The following UGT1A10 variants were observed in gnomAD, a reference collection of about 807,000 sequenced individuals.
The protein encoded by UGT1A10 is UDP-glucuronosyltransferase 1A10.
UGT1A10 carries 49 observed loss-of-function variants against 45.8 expected under a neutral mutation model. The ratio of observed to expected loss-of-function variants is 1.07; its 90% confidence interval spans 0.85 to 1.36. The LOEUF (loss-of-function observed/expected upper bound fraction) is 1.36, where lower values mean the gene tolerates loss of function less well. Among genes scored for constraint, UGT1A10 ranks in the 40% most tolerant of loss-of-function variants. The pLI is 0.00. For synonymous variants in UGT1A10, 284 were observed against 249.7 expected (o/e 1.14, Z -1.29); for missense variants, 745 against 668.6 (o/e 1.11, Z -1.26).
At chr2:233,755,448 G>A in intron 1 of UGT1A10, 1 of 310,232 alleles carries the variant, frequency 3.2e-6, no homozygotes, top group Non-Finnish European at 6.3e-6. Context: ...CAGTGCTCCT[G>A]GGACTGGCCC....
At chr2:233,712,842 C>A in intron 1 of UGT1A10, 1 of 1,510,466 alleles carries the variant, frequency 6.6e-7, no homozygotes, top group Non-Finnish European at 8.9e-7. Flanking sequence ...TATAGATTAA[C>A]GGGTAATAAG....
At chr2:233,713,122 T>A (rs2076280431) in intron 1 of UGT1A10, 1 of 1,614,100 alleles carries the variant, frequency 6.2e-7, no homozygotes, top group South Asian at 1.1e-5. Context: ...TGGCTCAGCA[T>A]GCGGGAGGCC....
intron 1 of UGT1A10, among the ~76,000 whole-genome samples, chr2:233,677,781 G>A (rs1055229293): frequency 6.6e-6 from 1 of 151,916 alleles, no homozygotes; most frequent in East Asian, 1.9e-4. Context: ...ATTTTGCAAA[G>A]AACTTAAAAC....
rs1361976171 is a variant in UGT1A10, at chr2:233,732,838, C to T, written c.856-34196C>T. ...ATATGAACTTTAAAGTAGTTTTTTC[C>T]AATTTTGTGAAGTCATTGGTAGCTT... On this transcript the variant is annotated intron_variant, in intron 1 of 4. Transcript: ENST00000344644. Among the ~76,000 whole-genome samples, 5 of 149,882 alleles carry T rather than the reference C, an allele frequency of 3.3e-5. No homozygotes were observed. The East Asian group carries it at 7.8e-4, about 23-fold the overall frequency.
chr2:233,678,330 G>A (rs1183988042), intron 1 of UGT1A10, among the ~76,000 whole-genome samples: 3 of 152,128 alleles, frequency 2.0e-5, no homozygotes, highest in African/African-American at 7.2e-5. Flanking sequence ...TGTATAAGAG[G>A]AAGTCATTCA....
chr2:233,754,897 C>T (rs779851030), intron 1 of UGT1A10: 5 of 1,351,174 alleles, frequency 3.7e-6, no homozygotes, highest in Non-Finnish European at 5.0e-6. Context: ...TTCCTCTGAC[C>T]CCCCAAAATA....
At chr2:233,666,608 A>T (rs1012242182) in intron 1 of UGT1A10, among the ~76,000 whole-genome samples, 24 of 152,000 alleles carry the variant, frequency 1.6e-4, no homozygotes, top group Non-Finnish European at 3.1e-4. Context: ...TGTTTTTTTT[A>T]AAGTAAACTC....
rs1272833298 is a variant in UGT1A10, at chr2:233,768,361, C to T, written c.1217C>T (p.Ala406Val). ...DNAKRMETKG[A>V]GVTLNVLEMT... is the part of the protein sequence containing the mutation. ...GCAAAGCGCATGGAGACTAAGGGAG[C>T]TGGAGTGACCCTGAATGTTCTGGAA... Residue 406 changes from alanine to valine, a missense_variant, in exon 4 of 5, where the codon GCT becomes GTT. Physicochemically the swap from Ala to Val is moderately conservative, Grantham distance 64. Coordinates refer to ENST00000344644, the MANE Select transcript of UGT1A10 (RefSeq NM_019075.4). 1 of 1,614,004 alleles carries T rather than the reference C, an allele frequency of 6.2e-7. No individual in the cohort carries two copies. The highest frequency in any genetic ancestry group is 1.3e-5 in the African/African-American group (1 of 74,914).
intron 1 of UGT1A10, among the ~76,000 whole-genome samples, chr2:233,746,948 G>A (rs1241927959): frequency 6.6e-6 from 1 of 151,802 alleles, no homozygotes; most frequent in Non-Finnish European, 1.5e-5. Context: ...TGAGAAACAA[G>A]AGCTTGAACT....
rs764832601 is a variant in UGT1A10 at position 233,682,041 on chromosome 2, G to A, written c.855+44664G>A. On this transcript the variant is annotated intron_variant, in intron 1 of 4. Transcript: ENST00000344644. ...AAGCTGCTGGTAGTGCCCATGGATG[G>A]GAGCCACTGGTTCACCATGCAGTCG... The A allele has an allele frequency of 3.1e-6, 5 of 1,614,116 alleles. No homozygotes were observed. The Admixed American group carries it at 8.3e-5, about 27-fold the overall frequency.
chr2:233,646,238 C>G (rs2125470075), intron 1 of UGT1A10, among the ~76,000 whole-genome samples: 1 of 152,324 alleles, frequency 6.6e-6, no homozygotes, highest in South Asian at 2.1e-4. Flanking sequence ...GGGCCTGTCA[C>G]ACAAAACCAT....
intron 1 of UGT1A10, among the ~76,000 whole-genome samples, chr2:233,736,234 T>C (rs1035352456): frequency 6.6e-5 from 10 of 152,188 alleles, no homozygotes; most frequent in African/African-American, 2.4e-4. Flanking sequence ...TCTCTAACCT[T>C]GTCTTCTCAC....
At chr2:233,706,359 A>G (rs1575483588) in intron 1 of UGT1A10, among the ~76,000 whole-genome samples, 3 of 152,330 alleles carry the variant, frequency 2.0e-5, no homozygotes, top group Admixed American at 6.5e-5. Context: ...CATTCTTCCA[A>G]TTTAGGCCAT....
chr2:233,702,928 C>A (rs2075715316), intron 1 of UGT1A10, among the ~76,000 whole-genome samples: 1 of 152,064 alleles, frequency 6.6e-6, no homozygotes, highest in Admixed American at 6.5e-5. Flanking sequence ...TCTTGCGGAG[C>A]CTTGGTCTGT....
At chr2:233,772,160 G>A in intron 4 of UGT1A10, 102 bp from the exon 5 acceptor site, 1 of 1,565,444 alleles carries the variant, frequency 6.4e-7, no homozygotes, top group Non-Finnish European at 8.7e-7. Flanking sequence ...CCTTTCCCAA[G>A]TTTGGAAAAT....
At chr2:233,766,081 A>G (rs913982065) in intron 1 of UGT1A10, among the ~76,000 whole-genome samples, 2 of 152,278 alleles carry the variant, frequency 1.3e-5, no homozygotes, top group Admixed American at 6.5e-5. Context: ...ACCTTGTCGC[A>G]AGGACAGAGG....
At chr2:233,724,404 G>T (rs1202271642) in intron 1 of UGT1A10, among the ~76,000 whole-genome samples, 1 of 140,424 alleles carries the variant, frequency 7.1e-6, no homozygotes, top group Admixed American at 7.0e-5. Context: ...CTTCCCAGAT[G>T]GGGTGGCTGC....
intron 1 of UGT1A10, among the ~76,000 whole-genome samples, chr2:233,658,037 G>C (rs947662456): frequency 5.7e-5 from 4 of 69,686 alleles, no homozygotes; most frequent in South Asian, 8.6e-4. Context: ...TTTTTTTTTT[G>C]AGACAAAGTG....
In UGT1A10 at chr2:233,769,706, T is replaced by G; in HGVS notation, c.1295+1267T>G. On this transcript the variant is annotated intron_variant, in intron 4 of 4. Transcript: ENST00000344644. The surrounding 1 kb of genome is among the most constrained non-coding windows in gnomAD (Gnocchi z 4.4). ...GGTGGCACTGGATAAAAGATCAATG[T>G]TGGCTAGGCACCATGGCACACGCCT... 6.6e-7 allele frequency: 1 copy of G among 1,515,112 alleles called. No homozygotes were observed. 93.9% of individuals were successfully genotyped at this position (1,515,112 alleles called of 1,614,324 possible).
Sources: allele counts gnomAD v4.1 joint callset (sites outside exome capture counted in the v4.1 genomes callset), GRCh38; gene constraint gnomAD v4.1.1; non-coding constraint Gnocchi (gnomAD v3.1); transcripts MANE v1.5; gene names NCBI Gene and HGNC (gene_info 2026-07-23, HGNC 2026-07-21).